KCTD8: variants seen among roughly 807,000 people sequenced by gnomAD.
The protein encoded by KCTD8 is BTB/POZ domain-containing protein KCTD8.
In KCTD8, 27 loss-of-function variants were observed where a neutral mutation model predicts 31.5. The ratio of observed to expected loss-of-function variants is 0.86; its 90% CI spans 0.63 to 1.18. KCTD8 has a LOEUF of 1.18. Ranked by LOEUF, KCTD8 falls within the 50% of genes most tolerant of loss-of-function variation. The pLI, the probability that KCTD8 is intolerant of heterozygous loss-of-function variation, is 0.00. For synonymous variants in KCTD8, 290 were observed against 280.0 expected (o/e 1.04, Z -0.36); for missense variants, 658 against 647.7 (o/e 1.02, Z -0.17).
At chr4:44,233,108 TTTG>T (rs1715173861) in intron 1 of KCTD8, among the ~76,000 whole-genome samples, 1 of 152,064 alleles carries the variant, frequency 6.6e-6, no homozygotes, top group Non-Finnish European at 1.5e-5. Flanking sequence ...AATTTTTTGT[TTTG>T]TTGTTTTCTA....
intron 1 of KCTD8, among the ~76,000 whole-genome samples, chr4:44,264,711 G>C (rs1173268838): frequency 1.3e-5 from 2 of 152,186 alleles, no homozygotes; most frequent in Non-Finnish European, 2.9e-5. Flanking sequence ...ATGGGCTTAG[G>C]AAATGGCACA....
chr4:44,345,605 T>C (rs939525894), intron 1 of KCTD8, among the ~76,000 whole-genome samples: 1 of 152,152 alleles, frequency 6.6e-6, no homozygotes, highest in Non-Finnish European at 1.5e-5. Flanking sequence ...AGGATCAATT[T>C]CATTGACTAT....
Position 44,448,562 on chromosome 4 carries a change from C to A in KCTD8, c.-39G>T. 7.1e-7 allele frequency: 1 copy of A among 1,409,992 alleles called. No individual in the cohort carries two copies. Among genetic ancestry groups the A allele is most frequent in the Non-Finnish European group, 9.2e-7 (1 of 1,086,068 alleles). The allele number at this position is 1,409,992 out of a possible 1,614,324, so 87.3% of individuals were successfully genotyped here. ...CCGGCCCAGTGACCCGAGAGAGCTG[C>A]ACTTTCTCGTTCCCGGAGCCCGCGC... On this transcript the variant is annotated 5_prime_UTR_variant, in exon 1 of 2. Coordinates refer to ENST00000360029, the MANE Select transcript of KCTD8 (RefSeq NM_198353.3). This position sits in a 1 kb window ranked among gnomAD's most constrained non-coding sequence, Gnocchi z 4.1.
At chr4:44,230,223 A>G (rs1715083935) in intron 1 of KCTD8, among the ~76,000 whole-genome samples, 1 of 152,226 alleles carries the variant, frequency 6.6e-6, no homozygotes, top group Admixed American at 6.5e-5. Flanking sequence ...TAAATGCTAC[A>G]TAAATATTTG....
chr4:44,395,986 T>C (rs1255915513), intron 1 of KCTD8, among the ~76,000 whole-genome samples: 1 of 152,160 alleles, frequency 6.6e-6, no homozygotes, highest in African/African-American at 2.4e-5. Context: ...TTGTACACTT[T>C]ATTTCTATTA....
At chr4:44,225,637 A>T (rs534662817) in intron 1 of KCTD8, among the ~76,000 whole-genome samples, 6 of 151,926 alleles carry the variant, frequency 3.9e-5, no homozygotes, top group African/African-American at 1.4e-4. Context: ...GGTGATGATT[A>T]AAAAAAATAA....
Position 44,447,546 on chromosome 4 carries a change from C to G in KCTD8, c.961+17G>C, listed in dbSNP as rs1264824282. On this transcript the variant is annotated intron_variant, in intron 1 of 1. Coordinates refer to ENST00000360029, the MANE Select transcript of KCTD8 (RefSeq NM_198353.3). ...GGGGGCGAGGGGTGCTGGGAAACGC[C>G]GGGGCTGCGAACTTACGGAAGAAAA... The G allele has an allele frequency of 2.0e-6, 3 of 1,528,556 alleles. No homozygotes were observed. The highest frequency in any genetic ancestry group is 4.7e-5 in the East Asian group (2 of 42,318). The allele number at this position is 1,528,556 out of a possible 1,614,324, so 94.7% of individuals were successfully genotyped here. A position where few individuals can be genotyped will look rare whatever the true frequency, so the allele number is the denominator to read the frequency against.
chr4:44,285,964 T>G lies in KCTD8; in HGVS notation c.962-110714A>C, dbSNP rs1223854447. Among the ~76,000 whole-genome samples the G allele has an allele frequency of 2.0e-5, 3 of 151,996 alleles. No individual in the cohort carries two copies. The East Asian group carries it at 5.8e-4, about 29-fold the overall frequency. ...GTTAATATTAAAAGATTAAATAAATTTAAATAGATTAAATTAACGAGTTAA... is the reference window on the plus strand; with the variant it reads ...GTTAATATTAAAAGATTAAATAAATGTAAATAGATTAAATTAACGAGTTAA... On this transcript the variant is annotated intron_variant, in intron 1 of 1. Coordinates refer to ENST00000360029, the MANE Select transcript of KCTD8 (RefSeq NM_198353.3).
chr4:44,434,789 C>A (rs1721601694), intron 1 of KCTD8, among the ~76,000 whole-genome samples: 1 of 151,904 alleles, frequency 6.6e-6, no homozygotes, highest in Non-Finnish European at 1.5e-5. Context: ...GAAAAGAGAC[C>A]AGATCTAGTG....
rs201741352 is a variant in KCTD8, at chr4:44,380,417, C to CA, written c.961+67145dup. On this transcript the variant is annotated intron_variant, in intron 1 of 1. Coordinates refer to ENST00000360029, the MANE Select transcript of KCTD8 (RefSeq NM_198353.3). ...AATATTGGCAAGCGAGACTCCATCT[C>CA]AAAAAAAAAAAAAAATCAGTATTGG... is the stretch of plus-strand genomic sequence containing the variant. Among the ~76,000 whole-genome samples the CA allele has an allele frequency of 7.7e-3, 742 of 96,532 alleles. 3 individuals are homozygous for CA. Among genetic ancestry groups the CA allele is most frequent in the Admixed American group, 0.012 (112 of 9,032 alleles). 63.3% of individuals were successfully genotyped at this position (96,532 alleles called of 152,430 possible). A position where few individuals can be genotyped will look rare whatever the true frequency, so the allele number is the denominator to read the frequency against.
At chr4:44,433,055 T>C (rs1333395195) in intron 1 of KCTD8, among the ~76,000 whole-genome samples, 4 of 151,746 alleles carry the variant, frequency 2.6e-5, no homozygotes, top group South Asian at 2.1e-4. Flanking sequence ...ATTCACTGAT[T>C]ATTTATCTGA....
intron 1 of KCTD8, among the ~76,000 whole-genome samples, chr4:44,248,510 A>G (rs1028037116): frequency 2.0e-5 from 3 of 151,408 alleles, no homozygotes; most frequent in Non-Finnish European, 4.4e-5. Flanking sequence ...TCTTCTTTCT[A>G]GTCTCTTAAA....
chr4:44,261,115 G>C (rs1386205583), intron 1 of KCTD8, among the ~76,000 whole-genome samples: 2 of 151,958 alleles, frequency 1.3e-5, no homozygotes, highest in Non-Finnish European at 2.9e-5. Context: ...CATATGAGAT[G>C]TAAGAGACAA....
intron 1 of KCTD8, among the ~76,000 whole-genome samples, chr4:44,268,331 CAAA>C (rs1484841949): frequency 6.6e-6 from 1 of 151,852 alleles, no homozygotes; most frequent in Non-Finnish European, 1.5e-5. Context: ...AGGCCTTTGA[CAAA>C]ATTCAACAAC....
chr4:44,370,143 T>C (rs1560438052), intron 1 of KCTD8, among the ~76,000 whole-genome samples: 1 of 152,218 alleles, frequency 6.6e-6, no homozygotes, highest in Non-Finnish European at 1.5e-5. Context: ...GAAAGTCTCC[T>C]GAGCATCCAT....
At chr4:44,315,503 T>C (rs1358741478) in intron 1 of KCTD8, among the ~76,000 whole-genome samples, 4 of 152,126 alleles carry the variant, frequency 2.6e-5, no homozygotes, top group Non-Finnish European at 5.9e-5. Context: ...TGAAAACTTG[T>C]TTCTAACTTC....
rs184282262 is a variant in KCTD8 at position 44,373,233 on chromosome 4, T to C, written c.961+74330A>G. ...AAAATTAGCCAGGTGTGGTGGTGCA[T>C]GCCTGTAGTCCCAGCTACTCAGGAG... is the stretch of plus-strand genomic sequence containing the variant. On this transcript the variant is annotated intron_variant, in intron 1 of 1. Transcript: ENST00000360029. Among the ~76,000 whole-genome samples the C allele has an allele frequency of 3.4e-4, 51 of 152,080 alleles. No homozygotes were observed. In the East Asian group the frequency reaches 7.0e-3, roughly 21 times the overall value.
chr4:44,336,149 C>CAAAAA lies in KCTD8; in HGVS notation c.961+111409_961+111413dup, dbSNP rs58161667. 1.3e-3 allele frequency among the ~76,000 whole-genome samples: 61 copies of CAAAAA among 46,524 alleles called. 2 individuals are homozygous for CAAAAA. Among genetic ancestry groups the CAAAAA allele is most frequent in the African/African-American group, 4.5e-3 (55 of 12,242 alleles). 30.5% of individuals were successfully genotyped at this position (46,524 alleles called of 152,430 possible). On this transcript the variant is annotated intron_variant, in intron 1 of 1. Coordinates refer to ENST00000360029, the MANE Select transcript of KCTD8 (RefSeq NM_198353.3). ...TGGGCGACAGAGCGAGACTCCGTCTCAAAAAAAAAAAAAAAAAAAAAAAAA... is the reference window on the plus strand; with the variant it reads ...TGGGCGACAGAGCGAGACTCCGTCTCAAAAAAAAAAAAAAAAAAAAAAAAAAAAAA...
intron 1 of KCTD8, among the ~76,000 whole-genome samples, chr4:44,214,292 G>T (rs993831503): frequency 5.3e-5 from 8 of 152,114 alleles, no homozygotes; most frequent in Admixed American, 4.6e-4. Context: ...GATAGAGGGG[G>T]AAAATATTTG....
Sources: gnomAD v4.1 joint callset for allele counts (sites outside exome capture counted in the v4.1 genomes callset) on GRCh38, gnomAD v4.1.1 for gene constraint, Gnocchi (gnomAD v3.1) non-coding constraint, MANE v1.5 for transcripts, NCBI Gene and HGNC (gene_info 2026-07-23, HGNC 2026-07-21) for gene names.